The following IGSF21 variants were observed in gnomAD, a reference collection of about 807,000 sequenced individuals.
The protein encoded by IGSF21 is immunoglobulin superfamily member 21.
IGSF21 carries 28 observed loss-of-function variants against 46.8 expected under a neutral mutation model. That is an observed-to-expected ratio of 0.60 (90% CI 0.44 to 0.82). IGSF21 has a LOEUF of 0.82. IGSF21 is among the 40% of genes least tolerant of loss of function. The pLI is 0.00. For synonymous variants in IGSF21, 284 were observed against 273.6 expected (o/e 1.04, Z -0.38); for missense variants, 624 against 665.5 (o/e 0.94, Z 0.69).
intron 1 of IGSF21, among the ~76,000 whole-genome samples, chr1:18,141,216 G>A (rs981757607): frequency 2.0e-5 from 3 of 152,216 alleles, no homozygotes; most frequent in Non-Finnish European, 4.4e-5. Context: ...TAGTCGGGAG[G>A]AAGACAGGGA....
At chr1:18,126,241 G>C (rs2086273680) in intron 1 of IGSF21, among the ~76,000 whole-genome samples, 1 of 152,072 alleles carries the variant, frequency 6.6e-6, no homozygotes, top group African/African-American at 2.4e-5. Flanking sequence ...TTCACAGATG[G>C]GGCTTCAGTT....
chr1:18,130,863 G>A (rs1228376512), intron 1 of IGSF21, among the ~76,000 whole-genome samples: 5 of 152,362 alleles, frequency 3.3e-5, no homozygotes, highest in Admixed American at 3.3e-4. Flanking sequence ...ATCTGTCCAT[G>A]TCCGGCTGTC....
chr1:18,267,202 G>A (rs1010195983), intron 2 of IGSF21, among the ~76,000 whole-genome samples: 1 of 152,204 alleles, frequency 6.6e-6, no homozygotes, highest in African/African-American at 2.4e-5. Context: ...GAAAATAAAT[G>A]TCATTGTACA....
In IGSF21 at chr1:18,227,058, G is replaced by C. The variant is rs193189780; in HGVS notation, c.71-840G>C. Among the ~76,000 whole-genome samples the C allele has an allele frequency of 4.5e-3, 680 of 152,314 alleles. 7 individuals carry two copies. Among genetic ancestry groups the C allele is most frequent in the Non-Finnish European group, 5.9e-3 (404 of 68,028 alleles). ...CAGCGTCTGCTCCAGGCACTCCCAG[G>C]GGCAGCTGGTAGTAGTCCGGGAAGC... is the stretch of plus-strand genomic sequence containing the variant. On this transcript the variant is annotated intron_variant, in intron 1 of 9. Coordinates refer to ENST00000251296, the MANE Select transcript of IGSF21 (RefSeq NM_032880.5).
chr1:18,161,226 C>T (rs1464889441), intron 1 of IGSF21, among the ~76,000 whole-genome samples: 1 of 152,204 alleles, frequency 6.6e-6, no homozygotes, highest in Non-Finnish European at 1.5e-5. Flanking sequence ...CTCCCAGCCT[C>T]CACTGGCATG....
At chr1:18,235,235 T>C (rs1200728588) in intron 2 of IGSF21, among the ~76,000 whole-genome samples, 1 of 152,232 alleles carries the variant, frequency 6.6e-6, no homozygotes, top group Non-Finnish European at 1.5e-5. Flanking sequence ...TGTGAAACTC[T>C]GATAGAGGGA....
rs529453223 is a variant in IGSF21 at position 18,231,774 on chromosome 1, G to C, written c.183+3764G>C. Among the ~76,000 whole-genome samples, 24 of 152,226 alleles carry C rather than the reference G, an allele frequency of 1.6e-4. 1 individual carries two copies. In the South Asian group the frequency reaches 5.0e-3, roughly 32 times the overall value. The stretch of plus-strand genomic sequence containing the variant: ...TGGATAACCTGCTGTAGAACATTGA[G>C]ATTTTCTTTTGCAGCCTCTGGAATA... On this transcript the variant is annotated intron_variant, in intron 2 of 9. Transcript: ENST00000251296.
intron 6 of IGSF21, among the ~76,000 whole-genome samples, chr1:18,367,646 C>T (rs938141073): frequency 1.6e-5 from 2 of 126,236 alleles, no homozygotes; most frequent in Admixed American, 9.6e-5. Context: ...GGCTCTGTCA[C>T]ACCCAGGCTG....
At chr1:18,300,566 C>G (rs223163) in intron 3 of IGSF21, among the ~76,000 whole-genome samples, 6,384 of 152,264 alleles carry the variant, frequency 0.042, 435 homozygotes, top group African/African-American at 0.15. Flanking sequence ...TTGAGCTGCC[C>G]GCATACCTGG....
intron 3 of IGSF21, among the ~76,000 whole-genome samples, chr1:18,292,830 A>AGG (rs577952509): frequency 7.8e-4 from 118 of 152,082 alleles, no homozygotes; most frequent in Non-Finnish European, 1.5e-3. Flanking sequence ...CTGCCCCAGT[A>AGG]CCCACCCCTC....
chr1:18,325,922 C>T (rs2085652926), intron 3 of IGSF21, among the ~76,000 whole-genome samples: 1 of 148,910 alleles, frequency 6.7e-6, no homozygotes, highest in South Asian at 2.1e-4. Flanking sequence ...AGCAGGTGCA[C>T]ACCTGGGTCA....
Position 18,365,747 on chromosome 1 carries a change from G to T in IGSF21, c.1015+50G>T, listed in dbSNP as rs547516247. 3.4e-6 allele frequency: 5 copies of T among 1,486,208 alleles called. No individual in the cohort carries two copies. In the South Asian group the frequency reaches 6.3e-5, roughly 19 times the overall value. The allele number at this position is 1,486,208 out of a possible 1,614,324, so 92.1% of individuals were successfully genotyped here. ...GTAGAGCCCTTGCAGACCTGGGTGTGGGGAGAGCCTTGGAATAGGGTTCCT... is the reference window on the plus strand; with the variant it reads ...GTAGAGCCCTTGCAGACCTGGGTGTTGGGAGAGCCTTGGAATAGGGTTCCT... On this transcript the variant is annotated intron_variant, in intron 6 of 9. Coordinates refer to ENST00000251296, the MANE Select transcript of IGSF21 (RefSeq NM_032880.5). The surrounding 1 kb of genome is among the most constrained non-coding windows in gnomAD (Gnocchi z 4.8).
intron 2 of IGSF21, among the ~76,000 whole-genome samples, chr1:18,285,576 G>C (rs961287318): frequency 2.0e-5 from 3 of 152,200 alleles, no homozygotes. Context: ...GAACAGTGCA[G>C]AGACAACCTT....
rs2085910599 is a variant in IGSF21 at position 18,347,816 on chromosome 1, G to A, written c.424+12806G>A. On this transcript the variant is annotated intron_variant, in intron 4 of 9. Transcript: ENST00000251296. ...TCTCCAAGGGAACTCGGAGCCTAGA[G>A]TGGAAACAGACCACTTGCTCTTTCG... Among the ~76,000 whole-genome samples the A allele has an allele frequency of 2.0e-5, 3 of 152,176 alleles. No individual in the cohort carries two copies. In the South Asian group the frequency reaches 6.2e-4, roughly 32 times the overall value.
chr1:18,205,367 G>C (rs1057021879), intron 1 of IGSF21, among the ~76,000 whole-genome samples: 6 of 152,292 alleles, frequency 3.9e-5, no homozygotes, highest in African/African-American at 1.4e-4. Flanking sequence ...GAGTGGGTCT[G>C]TGCCTCTTCT....
intron 1 of IGSF21, among the ~76,000 whole-genome samples, chr1:18,164,730 TTA>T (rs200826301): frequency 0.017 from 2,523 of 150,906 alleles, 31 homozygotes; most frequent in Non-Finnish European, 0.025. Flanking sequence ...ATTTTTTCTT[TTA>T]TATATATATA....
chr1:18,376,717 C>T (rs924670293), intron 7 of IGSF21, 83 bp from the exon 8 acceptor site: 3 of 1,365,202 alleles, frequency 2.2e-6, no homozygotes, highest in Non-Finnish European at 3.0e-6. Flanking sequence ...TGTGCCACCC[C>T]TGGCCAGGCA....
At chr1:18,243,299 C>T (rs894351895) in intron 2 of IGSF21, among the ~76,000 whole-genome samples, 14 of 152,148 alleles carry the variant, frequency 9.2e-5, no homozygotes, top group South Asian at 2.1e-4. Context: ...CCTCAGCGAA[C>T]GGCATCACCA....
chr1:18,226,411 G>C (rs2084567292), intron 1 of IGSF21, among the ~76,000 whole-genome samples: 1 of 152,224 alleles, frequency 6.6e-6, no homozygotes, highest in Admixed American at 6.5e-5. Context: ...AGTAAATGAG[G>C]AAAGGAGGAT....
Sources: allele counts gnomAD v4.1 joint callset (sites outside exome capture counted in the v4.1 genomes callset), GRCh38; gene constraint gnomAD v4.1.1; non-coding constraint Gnocchi (gnomAD v3.1); transcripts MANE v1.5; gene names NCBI Gene and HGNC (gene_info 2026-07-23, HGNC 2026-07-21).